The following SF3B3 variants were observed in gnomAD, a reference collection of about 807,000 sequenced individuals.
SF3B3 encodes the protein splicing factor 3b subunit 3, also known as SAP 130.
Under a neutral mutation model 139.2 loss-of-function variants are expected in SF3B3, and 33 were observed. The observed-to-expected ratio is 0.24, with a 90% CI of 0.18 to 0.32. The LOEUF (loss-of-function observed/expected upper bound fraction) is 0.32, where lower values mean the gene tolerates loss of function less well. SF3B3 is among the 10% of genes least tolerant of loss of function. SF3B3 has a pLI of 1.00. For missense variants in SF3B3, 818 were observed against 1,509.4 expected (o/e 0.54, Z 7.59); for synonymous variants, 596 against 563.6 (o/e 1.06, Z -0.81).
intron 17 of SF3B3, among the ~76,000 whole-genome samples, chr16:70,562,841 T>G (rs902865620): frequency 6.6e-6 from 1 of 152,150 alleles, no homozygotes; most frequent in Non-Finnish European, 1.5e-5. Context: ...TTTAAGTTTT[T>G]TTTTTGAGAC....
intron 12 of SF3B3, 120 bp downstream of exon 12, chr16:70,554,717 G>A: frequency 9.8e-7 from 1 of 1,021,168 alleles, no homozygotes; most frequent in South Asian, 1.6e-5. Flanking sequence ...TTAGGGGTAG[G>A]GAACATATGA....
intron 21 of SF3B3, 117 bp from the exon 22 acceptor site, chr16:70,568,166 G>GT: frequency 1.3e-6 from 1 of 776,226 alleles, no homozygotes. Flanking sequence ...CTAACTGCTG[G>GT]TTTTTGGTAT....
chr16:70,557,023 G>A lies in SF3B3; in HGVS notation c.2004G>A (p.Gly668=). 1.2e-6 allele frequency: 2 copies of A among 1,608,584 alleles called. No homozygotes were observed. Among genetic ancestry groups the A allele is most frequent in the South Asian group, 2.2e-5 (2 of 90,058 alleles). The change falls in exon 15 of 26, where the codon GGG becomes GGA. Residue 668 remains glycine (G), a synonymous_variant. Transcript: ENST00000302516. ...GSIGFLYLNI[G]LQNGVLLRTV... is the part of the protein sequence containing the mutation. ...TTGGCTTCCTATACCTGAATATTGGGCTACAGGTAAGAGATCCAGAGGCCC... is the reference window on the plus strand; with the variant it reads ...TTGGCTTCCTATACCTGAATATTGGACTACAGGTAAGAGATCCAGAGGCCC...
rs1597724815 is a variant in SF3B3, at chr16:70,568,427, G to A, written c.3097G>A (p.Val1033Ile). ...TGCTGATGATACCTACCCCCGATGG[G>A]TCACTACAGCCAGCCTCCTGGACTA... is the stretch of plus-strand genomic sequence containing the variant. ...IFADDTYPRW[V>I]TTASLLDYDT... The change falls in exon 22 of 26, where the codon GTC (valine) becomes ATC (isoleucine). Residue 1033 changes from valine to isoleucine, a missense_variant. Coordinates refer to ENST00000302516, the MANE Select transcript of SF3B3 (RefSeq NM_012426.5). 2.5e-6 allele frequency: 4 copies of A among 1,613,994 alleles called. No individual in the cohort carries two copies. In the East Asian group the frequency reaches 8.9e-5, roughly 36 times the overall value.
intron 6 of SF3B3, chr16:70,538,098 G>T (rs746638557): frequency 1.4e-6 from 1 of 696,250 alleles, no homozygotes; most frequent in Non-Finnish European, 2.7e-6. Flanking sequence ...TGATCAGGCT[G>T]TAGAGTGGAA....
At chr16:70,529,423 G>A in intron 3 of SF3B3, 2 of 526,494 alleles carry the variant, frequency 3.8e-6, no homozygotes, top group South Asian at 5.4e-5. Context: ...GTTGGAAATG[G>A]GTGTTTTTCA....
chr16:70,544,364 G>A, intron 9 of SF3B3, 74 bp from the exon 10 acceptor site: 2 of 814,110 alleles, frequency 2.5e-6, no homozygotes, highest in South Asian at 3.0e-5. Context: ...GGATGTCTGG[G>A]ATACTAGAGA....
chr16:70,529,321 T>A lies in SF3B3; in HGVS notation c.397+122T>A, dbSNP rs556843702. On this transcript the variant is annotated intron_variant, in intron 3 of 25. Transcript: ENST00000302516. ...TTTGGCATCATGTTTGGATTTACTC[T>A]AGGTTTAAAGTTGCATTTCCTTTTT... The A allele has an allele frequency of 7.9e-5, 62 of 783,326 alleles. 1 individual carries two copies. The highest frequency in any genetic ancestry group is 6.8e-4 in the South Asian group (37 of 54,260). The allele number at this position is 783,326 out of a possible 1,614,324, so 48.5% of individuals were successfully genotyped here.
chr16:70,571,583 A>G lies in SF3B3; in HGVS notation c.3514-90A>G, dbSNP rs963987710. On this transcript the variant is annotated intron_variant, in intron 25 of 25. Coordinates refer to ENST00000302516, the MANE Select transcript of SF3B3 (RefSeq NM_012426.5). ...CTGTCTCAAAAACTAAAAAATAAAAACAGCTTTCCCTACAAGTGCTGCTTT... is the reference window on the plus strand; with the variant it reads ...CTGTCTCAAAAACTAAAAAATAAAAGCAGCTTTCCCTACAAGTGCTGCTTT... The G allele has an allele frequency of 5.7e-6, 8 of 1,400,992 alleles. No individual in the cohort carries two copies. The Admixed American group carries it at 7.1e-5, about 12-fold the overall frequency. 86.8% of individuals were successfully genotyped at this position (1,400,992 alleles called of 1,614,324 possible).
chr16:70,526,649 C>T lies in SF3B3; in HGVS notation c.-8C>T, dbSNP rs753097870. On this transcript the variant is annotated 5_prime_UTR_variant, in exon 2 of 26. Transcript: ENST00000302516. ...TGGAGGTCTGGGTGGCTCAGGTTTCCTGCAGCCATGTTTCTGTACAACTTA... is the reference window on the plus strand; with the variant it reads ...TGGAGGTCTGGGTGGCTCAGGTTTCTTGCAGCCATGTTTCTGTACAACTTA... The T allele has an allele frequency of 1.2e-6, 2 of 1,613,340 alleles. No individual in the cohort carries two copies. Among genetic ancestry groups the T allele is most frequent in the Non-Finnish European group, 1.7e-6 (2 of 1,179,512 alleles).
intron 25 of SF3B3, 75 bp downstream of exon 25, chr16:70,571,274 G>A (rs1481307715): frequency 3.6e-6 from 4 of 1,116,148 alleles, no homozygotes; most frequent in East Asian, 2.3e-5. Flanking sequence ...GATGGGAATA[G>A]TACCAGGGAG....
chr16:70,536,887 T>G (rs1277302989), intron 6 of SF3B3, among the ~76,000 whole-genome samples: 1 of 150,574 alleles, frequency 6.6e-6, no homozygotes, highest in Non-Finnish European at 1.5e-5. Context: ...CTTGGCTCAC[T>G]GCATCCTTGA....
Position 70,544,438 on chromosome 16 carries a change from A to G in SF3B3, c.1234A>G (p.Ile412Val), listed in dbSNP as rs1455678159. 6.2e-7 allele frequency: 1 copy of G among 1,603,262 alleles called. No homozygotes were observed. Among genetic ancestry groups the G allele is most frequent in the South Asian group, 1.1e-5 (1 of 90,700 alleles). Residue 412 changes from isoleucine (I) to valine (V), a missense_variant and splice_region_variant, in exon 10 of 26, where the codon ATA (isoleucine) becomes GTA (valine). Transcript: ENST00000302516. ...TTCCTCTAACTTTTTCTCTGTGCAG[A>G]TAGCTGATCTGGCCAATGAAGATAC... ...DSLSPILFCQ[I>V]ADLANEDTPQ...
Position 70,571,018 on chromosome 16 carries a change from C to G in SF3B3, c.3409-77C>G, listed in dbSNP as rs150823935. On this transcript the variant is annotated intron_variant, in intron 24 of 25. Transcript: ENST00000302516. ...TGTGTAGTAAAAATGAATGGCTTGT[C>G]TGTTCGTTGTGCTTGTGGAAACTCT... The G allele has an allele frequency of 6.4e-6, 6 of 932,858 alleles. No individual in the cohort carries two copies. In the East Asian group the frequency reaches 1.4e-4, roughly 22 times the overall value. The allele number at this position is 932,858 out of a possible 1,614,324, so 57.8% of individuals were successfully genotyped here. A position where few individuals can be genotyped will look rare whatever the true frequency, so the allele number is the denominator to read the frequency against.
intron 8 of SF3B3, 87 bp downstream of exon 8, chr16:70,539,294 TC>T: frequency 1.1e-6 from 1 of 933,276 alleles, no homozygotes; most frequent in African/African-American, 1.6e-5. Context: ...ACGGCCATAA[TC>T]CTAGCACTTT....
In SF3B3 at chr16:70,567,490, T is replaced by C; in HGVS notation, c.2906T>C (p.Val969Ala). ...VLIGVGKLLR[V>A]YDLGKKKLLR... ...ATTGGTGTGGGGAAGCTGTTGCGTG[T>C]CTATGACCTGGGAAAGAAGAAGTTA... is the stretch of plus-strand genomic sequence containing the variant. Residue 969 changes from valine (V) to alanine (A), a missense_variant, in exon 21 of 26, where the codon GTC (valine) becomes GCC (alanine). Coordinates refer to ENST00000302516, the MANE Select transcript of SF3B3 (RefSeq NM_012426.5). 1 of 1,614,082 alleles carries C rather than the reference T, an allele frequency of 6.2e-7. No homozygotes were observed. The highest frequency in any genetic ancestry group is 8.5e-7 in the Non-Finnish European group (1 of 1,179,990).
Position 70,565,351 on chromosome 16 carries a change from T to A in SF3B3, c.2670-17T>A. 1 of 1,614,048 alleles carries A rather than the reference T, an allele frequency of 6.2e-7. No homozygotes were observed. On this transcript the variant is annotated splice_polypyrimidine_tract_variant and intron_variant, in intron 19 of 25. Transcript: ENST00000302516. ...TTTTGACTAAGGCCTTACTCTTGCT[T>A]CTTATTCTGTGTGTAGTGTGGCTGT...
chr16:70,533,094 T>G (rs1319812776), intron 5 of SF3B3, among the ~76,000 whole-genome samples: 1 of 152,182 alleles, frequency 6.6e-6, no homozygotes. Context: ...TTAGAGAAAT[T>G]GAAGCAGTAG....
rs2050558576 is a variant in SF3B3 at position 70,574,490 on chromosome 16, C to CTTGTTTTT, written c.*2684_*2691dup. 1 of 152,154 alleles carries CTTGTTTTT rather than the reference C, an allele frequency of 6.6e-6. No homozygotes were observed. Among genetic ancestry groups the CTTGTTTTT allele is most frequent in the South Asian group, 2.1e-4 (1 of 4,830 alleles). 9.4% of individuals were successfully genotyped at this position (152,154 alleles called of 1,614,324 possible). A position where few individuals can be genotyped will look rare whatever the true frequency, so the allele number is the denominator to read the frequency against. On this transcript the variant is annotated 3_prime_UTR_variant, in exon 26 of 26. Transcript: ENST00000302516. Reference sequence around the variant, plus strand: ...GAGCCATTGCGCCTGGTCATAAATTCTTGTTTTTTTGTTTGTTTGTTTATT... The same window carrying CTTGTTTTT: ...GAGCCATTGCGCCTGGTCATAAATTCTTGTTTTTTTGTTTTTTTGTTTGTTTGTTTATT...
Sources: gnomAD v4.1 joint callset for allele counts (sites outside exome capture counted in the v4.1 genomes callset) on GRCh38, gnomAD v4.1.1 for gene constraint, MANE v1.5 for transcripts, NCBI Gene and HGNC (gene_info 2026-07-23, HGNC 2026-07-21) for gene names.